The following SERTAD2 variants were observed in gnomAD, a reference collection of about 807,000 sequenced individuals.
The protein encoded by SERTAD2 is SERTA domain-containing protein 2.
In SERTAD2, 2 loss-of-function variants were observed where a neutral mutation model predicts 15.4. That is an observed-to-expected ratio of 0.13 (90% CI 0.05 to 0.41). SERTAD2 has a LOEUF of 0.41. SERTAD2 is among the 10% of genes least tolerant of loss of function. The pLI is 0.99. For synonymous variants in SERTAD2, 180 were observed against 178.0 expected, an observed-to-expected ratio of 1.01 and a Z score of -0.09; for missense variants, 333 against 409.7, an observed-to-expected ratio of 0.81 and a Z score of 1.62.
In SERTAD2 at chr2:64,635,794, A is replaced by T; in HGVS notation, c.*133T>A. ...TCCAACTCTGCTCAAAGCAAAAACT[A>T]GTGTGATCCTGTTGTAAAATTTTCT... On this transcript the variant is annotated 3_prime_UTR_variant, in exon 2 of 2. Coordinates refer to ENST00000313349, the MANE Select transcript of SERTAD2 (RefSeq NM_014755.3). The T allele has an allele frequency of 1.5e-6, 1 of 684,570 alleles. No homozygotes were observed. Among genetic ancestry groups the T allele is most frequent in the Non-Finnish European group, 2.5e-6 (1 of 399,408 alleles). 42.4% of individuals were successfully genotyped at this position (684,570 alleles called of 1,614,324 possible).
In SERTAD2 at chr2:64,638,436, G is replaced by T. The variant is rs72894607; in HGVS notation, c.-4-1561C>A. Reference sequence around the variant, plus strand: ...CGACCTAAAGAAATAAGGCTAAATGGAATATAAACTTCACAGAACTTCTTT... The same window carrying T: ...CGACCTAAAGAAATAAGGCTAAATGTAATATAAACTTCACAGAACTTCTTT... On this transcript the variant is annotated intron_variant, in intron 1 of 1. Coordinates refer to ENST00000313349, the MANE Select transcript of SERTAD2 (RefSeq NM_014755.3). 3.0e-3 allele frequency among the ~76,000 whole-genome samples: 464 copies of T among 152,280 alleles called. 1 individual carries two copies. Among genetic ancestry groups the T allele is most frequent in the African/African-American group, 0.01 (427 of 41,552 alleles).
intron 1 of SERTAD2, among the ~76,000 whole-genome samples, chr2:64,651,127 A>G (rs143155852): frequency 1.8e-4 from 28 of 152,342 alleles, no homozygotes; most frequent in African/African-American, 6.3e-4. Flanking sequence ...TCCACAGGTA[A>G]TATTGACAAA....
intron 1 of SERTAD2, among the ~76,000 whole-genome samples, chr2:64,652,538 T>C (rs1027511382): frequency 3.2e-4 from 49 of 152,100 alleles, no homozygotes; most frequent in African/African-American, 9.7e-4. Flanking sequence ...TTAACATACA[T>C]TGGGAAATCA....
chr2:64,649,786 G>C (rs890998340), intron 1 of SERTAD2, among the ~76,000 whole-genome samples: 1 of 152,202 alleles, frequency 6.6e-6, no homozygotes, highest in African/African-American at 2.4e-5. Flanking sequence ...GTCAGCTCCA[G>C]ATCTGTCCTC....
intron 1 of SERTAD2, among the ~76,000 whole-genome samples, chr2:64,651,620 A>G (rs1434529056): frequency 2.6e-5 from 4 of 152,222 alleles, no homozygotes. Context: ...CAAAATTCAT[A>G]TTTTAGCTTC....
At chr2:64,652,342 C>T (rs558132513) in intron 1 of SERTAD2, among the ~76,000 whole-genome samples, 29 of 152,230 alleles carry the variant, frequency 1.9e-4, no homozygotes, top group Admixed American at 3.9e-4. Flanking sequence ...CCCCCAACCC[C>T]CATCGGCCAA....
chr2:64,642,939 C>CTGTT (rs3836061), intron 1 of SERTAD2, among the ~76,000 whole-genome samples: 139,238 of 152,148 alleles, frequency 0.92, 63,782 homozygotes, highest in African/African-American at 0.94. Flanking sequence ...CTTTTCTACT[C>CTGTT]TGGAGAAAGA....
At chr2:64,637,146 CAAGTT>C (rs1243202586) in intron 1 of SERTAD2, among the ~76,000 whole-genome samples, 4 of 152,144 alleles carry the variant, frequency 2.6e-5, no homozygotes, top group South Asian at 2.1e-4. Context: ...ACGACACAGA[CAAGTT>C]AAGAATTACC....
In SERTAD2 at chr2:64,636,374, C is replaced by G. The variant is rs1395680601; in HGVS notation, c.498G>C (p.Lys166Asn). 16 of 1,614,168 alleles carry G rather than the reference C, an allele frequency of 9.9e-6. No individual in the cohort carries two copies. The Middle Eastern group carries it at 4.9e-4, about 50-fold the overall frequency. The change falls in exon 2 of 2, where the codon AAG becomes AAC. Residue 166 changes from lysine (K) to asparagine (N), a missense_variant. Lys to Asn is a moderately conservative substitution (Grantham distance 94). Coordinates refer to ENST00000313349, the MANE Select transcript of SERTAD2 (RefSeq NM_014755.3). The stretch of plus-strand genomic sequence containing the variant: ...CGTCCAAGGCAGAGGAGAAACTGTC[C>G]TTTTCTGGCAAGAGGGCTGGAGGTG... ...KLSPPALLPE[K>N]DSFSSALDEI...
At chr2:64,641,824 T>C (rs991506988) in intron 1 of SERTAD2, among the ~76,000 whole-genome samples, 2 of 152,200 alleles carry the variant, frequency 1.3e-5, no homozygotes, top group Non-Finnish European at 2.9e-5. Flanking sequence ...AGCTCTTCTG[T>C]GAGCGGCTCT....
At chr2:64,643,997 T>C (rs1288725355) in intron 1 of SERTAD2, among the ~76,000 whole-genome samples, 1 of 152,212 alleles carries the variant, frequency 6.6e-6, no homozygotes, top group Non-Finnish European at 1.5e-5. Flanking sequence ...ATGCTAACGC[T>C]AAAACCAGAA....
At chr2:64,651,748 T>TTA in intron 1 of SERTAD2, among the ~76,000 whole-genome samples, 1 of 152,358 alleles carries the variant, frequency 6.6e-6, no homozygotes, top group East Asian at 1.9e-4. Context: ...CTTGAGCAGC[T>TTA]GTTACCTAAG....
At chr2:64,647,470 T>C (rs183108677) in intron 1 of SERTAD2, among the ~76,000 whole-genome samples, 2 of 152,270 alleles carry the variant, frequency 1.3e-5, no homozygotes, top group African/African-American at 4.8e-5. Context: ...CCTCCCATTC[T>C]CGGGCATAAT....
At position 64,634,837 on chromosome 2, in the gene SERTAD2, T is replaced by C. The variant is rs774722548; in HGVS notation, c.*1090A>G. On this transcript the variant is annotated 3_prime_UTR_variant, in exon 2 of 2. Transcript: ENST00000313349. Reference sequence around the variant, plus strand: ...ATGCCAAAAAGGAAAGATCTGGGTTTTCATTAAAAAACAAAATAAAAACAA... The same window carrying C: ...ATGCCAAAAAGGAAAGATCTGGGTTCTCATTAAAAAACAAAATAAAAACAA... 4 of 152,406 alleles carry C rather than the reference T, an allele frequency of 2.6e-5. No individual in the cohort carries two copies. The highest frequency in any genetic ancestry group is 5.9e-5 in the Non-Finnish European group (4 of 68,034). 9.4% of individuals were successfully genotyped at this position (152,406 alleles called of 1,614,324 possible). A position where few individuals can be genotyped will look rare whatever the true frequency, so the allele number is the denominator to read the frequency against.
chr2:64,637,354 A>G (rs891258227), intron 1 of SERTAD2, among the ~76,000 whole-genome samples: 15 of 152,266 alleles, frequency 9.9e-5, no homozygotes, highest in African/African-American at 1.9e-4. Context: ...GATTAAAAGA[A>G]CCAAGTTAAA....
chr2:64,643,356 C>T (rs1463713781), intron 1 of SERTAD2, among the ~76,000 whole-genome samples: 1 of 152,210 alleles, frequency 6.6e-6, no homozygotes, highest in Admixed American at 6.5e-5. Context: ...CAGTGTCTGC[C>T]GTGGTGTACG....
intron 1 of SERTAD2, among the ~76,000 whole-genome samples, chr2:64,638,648 T>C (rs1362017173): frequency 6.6e-6 from 1 of 152,206 alleles, no homozygotes; most frequent in Non-Finnish European, 1.5e-5. Flanking sequence ...ATGAAGAATG[T>C]GGAGTTACTT....
intron 1 of SERTAD2, among the ~76,000 whole-genome samples, chr2:64,639,432 G>C (rs931735568): frequency 1.3e-5 from 2 of 152,064 alleles, no homozygotes; most frequent in Non-Finnish European, 2.9e-5. Context: ...AAAGATTGGG[G>C]GGCCAGGGAA....
At chr2:64,648,857 T>C (rs1476934392) in intron 1 of SERTAD2, among the ~76,000 whole-genome samples, 1 of 152,060 alleles carries the variant, frequency 6.6e-6, no homozygotes, top group African/African-American at 2.4e-5. Context: ...AAAAATTAGT[T>C]TGCCTTAAAA....
Sources: allele counts gnomAD v4.1 joint callset (sites outside exome capture counted in the v4.1 genomes callset), GRCh38; gene constraint gnomAD v4.1.1; transcripts MANE v1.5; gene names NCBI Gene and HGNC (gene_info 2026-07-23, HGNC 2026-07-21).